Variants in FRMPD4 observed in about 807,000 individuals in gnomAD.
FRMPD4 encodes FERM and PDZ domain containing 4, also known as FERM and PDZ domain-containing protein 4.
A neutral mutation model predicts 94.1 loss-of-function variants in FRMPD4; 22 were observed. The ratio of observed to expected loss-of-function variants is 0.23; its 90% CI spans 0.17 to 0.33. The LOEUF (loss-of-function observed/expected upper bound fraction) is 0.33. FRMPD4 is among the 10% of genes least tolerant of loss of function. FRMPD4 has a pLI of 1.00. For synonymous variants in FRMPD4, 631 were observed against 548.6 expected, an observed-to-expected ratio of 1.15 and a Z score of -2.10; for missense variants, 1,111 against 1,339.9, an observed-to-expected ratio of 0.83 and a Z score of 2.67.
intron 1 of FRMPD4, among the ~76,000 whole-genome samples, chrX:12,401,383 C>A (rs2056606811): frequency 9.1e-6 from 1 of 109,918 alleles, no homozygotes; most frequent in African/African-American, 3.3e-5. Flanking sequence ...TGGAGAATAT[C>A]ATTCTCCATG....
intron 2 of FRMPD4, among the ~76,000 whole-genome samples, chrX:12,518,917 A>C (rs1160623400): frequency 8.9e-6 from 1 of 112,430 alleles, no homozygotes; most frequent in Non-Finnish European, 1.9e-5. Context: ...AGGAATAATC[A>C]AAAAGGAAAT....
intron 10 of FRMPD4, among the ~76,000 whole-genome samples, chrX:12,704,153 A>T (rs970596699): frequency 1.8e-5 from 2 of 112,538 alleles, no homozygotes; most frequent in Non-Finnish European, 3.8e-5. Context: ...TGAGGAACAG[A>T]TTTCTTTTTA....
chrX:12,549,377 C>G (rs892029151), intron 2 of FRMPD4, among the ~76,000 whole-genome samples: 4 of 112,245 alleles, frequency 3.6e-5, no homozygotes, highest in Non-Finnish European at 7.5e-5. Flanking sequence ...AATGTGCACA[C>G]TCAAATATTC....
At chrX:12,146,988 C>A (rs1194495477) in intron 1 of FRMPD4, among the ~76,000 whole-genome samples, 1 of 112,256 alleles carries the variant, frequency 8.9e-6, no homozygotes, top group Non-Finnish European at 1.9e-5. Context: ...TGCCCAGAAT[C>A]AAAGTATACC....
intron 3 of FRMPD4, among the ~76,000 whole-genome samples, chrX:12,131,276 A>G (rs1379776471): frequency 8.9e-6 from 1 of 112,108 alleles, no homozygotes; most frequent in African/African-American, 3.2e-5. Flanking sequence ...ATCTGGTAAA[A>G]GTTTCTGATA....
intron 3 of FRMPD4, among the ~76,000 whole-genome samples, chrX:12,083,413 C>T (rs1419229620): frequency 8.9e-6 from 1 of 112,907 alleles, no homozygotes; most frequent in African/African-American, 3.2e-5. Context: ...TATGGAAATG[C>T]CTGGATGCCC....
At chrX:12,158,952 A>G (rs2055979751) in intron 1 of FRMPD4, among the ~76,000 whole-genome samples, 1 of 112,261 alleles carries the variant, frequency 8.9e-6, no homozygotes, top group African/African-American at 3.2e-5. Context: ...AAGCTGTTGC[A>G]TAGGAAGTAC....
At chrX:12,157,869 G>A (rs1224954844) in intron 1 of FRMPD4, among the ~76,000 whole-genome samples, 1 of 112,093 alleles carries the variant, frequency 8.9e-6, no homozygotes, top group African/African-American at 3.2e-5. Context: ...CTTTTTGAAC[G>A]ACACAGCCAT....
At chrX:12,115,341 C>G (rs763775715) in intron 3 of FRMPD4, among the ~76,000 whole-genome samples, 170 of 111,563 alleles carry the variant, frequency 1.5e-3, no homozygotes, top group African/African-American at 5.3e-3. Flanking sequence ...ACATGCTTGG[C>G]TAAGTTTTTT....
chrX:12,049,363 TTA>T (rs1335593800), intron 3 of FRMPD4, among the ~76,000 whole-genome samples: 1 of 112,010 alleles, frequency 8.9e-6, no homozygotes, highest in African/African-American at 3.2e-5. Flanking sequence ...CTGAAGTCGT[TTA>T]TCAGTTCTCC....
chrX:12,202,876 T>G (rs1251001966), intron 1 of FRMPD4, among the ~76,000 whole-genome samples: 1 of 111,814 alleles, frequency 8.9e-6, no homozygotes, highest in Non-Finnish European at 1.9e-5. Context: ...CAAGGATTGC[T>G]GGCCACCACC....
chrX:12,417,579 CAAA>C (rs33972789), intron 1 of FRMPD4, among the ~76,000 whole-genome samples: 1 of 64,813 alleles, frequency 1.5e-5, no homozygotes. Context: ...GACTTCATCT[CAAA>C]AAAAAAAAAA....
At chrX:12,099,068 T>G (rs865890352) in intron 3 of FRMPD4, among the ~76,000 whole-genome samples, 7 of 18,031 alleles carry the variant, frequency 3.9e-4, no homozygotes, top group Non-Finnish European at 5.9e-4. Flanking sequence ...TGTTGTGGGG[T>G]GGGGGGAGGG....
At chrX:12,230,515 C>G (rs187618464) in intron 1 of FRMPD4, among the ~76,000 whole-genome samples, 1 of 110,446 alleles carries the variant, frequency 9.1e-6, no homozygotes, top group Non-Finnish European at 1.9e-5. Flanking sequence ...TCCCATCGCC[C>G]ACCCATTGTA....
chrX:12,499,549 G>A (rs1181362498), intron 2 of FRMPD4, among the ~76,000 whole-genome samples: 3 of 111,995 alleles, frequency 2.7e-5, no homozygotes, highest in Non-Finnish European at 3.8e-5. Flanking sequence ...ACCCCCTGGT[G>A]ACATCTATTC....
At chrX:12,617,732 C>T (rs1602216577) in intron 4 of FRMPD4, among the ~76,000 whole-genome samples, 1 of 111,562 alleles carries the variant, frequency 9.0e-6, no homozygotes, top group African/African-American at 3.3e-5. Flanking sequence ...GTAAAATTCT[C>T]TCTTTAAAAA....
chrX:12,019,222 C>T (rs1178228353), intron 3 of FRMPD4, among the ~76,000 whole-genome samples: 1 of 105,595 alleles, frequency 9.5e-6, no homozygotes, highest in African/African-American at 3.5e-5. Context: ...GGGCCAATAT[C>T]AAATACTGAC....
intron 3 of FRMPD4, among the ~76,000 whole-genome samples, chrX:12,084,615 T>A (rs2055092289): frequency 1.8e-5 from 2 of 112,252 alleles, no homozygotes. Flanking sequence ...ATGAACATTT[T>A]CCAACATAGT....
intron 1 of FRMPD4, among the ~76,000 whole-genome samples, chrX:12,440,989 A>T (rs1276260269): frequency 8.9e-6 from 1 of 112,310 alleles, no homozygotes; most frequent in Non-Finnish European, 1.9e-5. Context: ...TAGTTGTTCT[A>T]GTAGTTCTAA....
Sources: allele counts gnomAD v4.1 joint callset (sites outside exome capture counted in the v4.1 genomes callset), GRCh38; gene constraint gnomAD v4.1.1; transcripts MANE v1.5; gene names NCBI Gene and HGNC (gene_info 2026-07-23, HGNC 2026-07-21).